Variants in PAPSS2 observed in about 807,000 individuals in gnomAD.
PAPSS2 encodes the protein 3'-phosphoadenosine 5'-phosphosulfate synthase 2.
A neutral mutation model predicts 66.5 loss-of-function variants in PAPSS2; 61 were observed. The observed-to-expected ratio is 0.92, with a 90% confidence interval of 0.75 to 1.14. PAPSS2 has a LOEUF of 1.14. Among genes scored for constraint, PAPSS2 ranks in the 50% most tolerant of loss-of-function variants. The pLI, the probability that PAPSS2 is intolerant of heterozygous loss-of-function variation, is 0.00. For missense variants in PAPSS2, 708 were observed against 789.6 expected, an observed-to-expected ratio of 0.90 and a Z score of 1.24; for synonymous variants, 289 against 287.5, an observed-to-expected ratio of 1.01 and a Z score of -0.05.
At chr10:87,739,464 C>T (rs1853840850) in intron 9 of PAPSS2, among the ~76,000 whole-genome samples, 1 of 152,086 alleles carries the variant, frequency 6.6e-6, no homozygotes, top group African/African-American at 2.4e-5. Context: ...AAATTGTGCC[C>T]AACAATAATT....
intron 1 of PAPSS2, among the ~76,000 whole-genome samples, chr10:87,676,444 A>G (rs889220820): frequency 6.6e-6 from 1 of 152,128 alleles, no homozygotes; most frequent in African/African-American, 2.4e-5. Context: ...TTTCAGTGTA[A>G]TTCTAGCATT....
At chr10:87,697,797 C>T (rs1478382748) in intron 1 of PAPSS2, among the ~76,000 whole-genome samples, 1 of 152,074 alleles carries the variant, frequency 6.6e-6, no homozygotes, top group African/African-American at 2.4e-5. Context: ...TCCACAGTCT[C>T]TTCTCTTCCA....
chr10:87,745,745 G>T, intron 12 of PAPSS2, 87 bp from the exon 13 acceptor site: 1 of 1,333,518 alleles, frequency 7.5e-7, no homozygotes, highest in Non-Finnish European at 1.1e-6. Context: ...AAAGAACATG[G>T]GTCTCAAAAA....
intron 1 of PAPSS2, among the ~76,000 whole-genome samples, chr10:87,671,419 G>A (rs1157465526): frequency 6.6e-6 from 1 of 152,172 alleles, no homozygotes; most frequent in African/African-American, 2.4e-5. Context: ...AGGCTCTGTG[G>A]CCAGTTTTAG....
At chr10:87,743,158 A>C (rs1368556036) in intron 10 of PAPSS2, among the ~76,000 whole-genome samples, 1 of 151,428 alleles carries the variant, frequency 6.6e-6, no homozygotes, top group Non-Finnish European at 1.5e-5. Context: ...AGGCAGGAGA[A>C]TCGCTTGAAT....
At chr10:87,734,663 GTATA>G (rs66686947) in intron 9 of PAPSS2, among the ~76,000 whole-genome samples, 7,695 of 80,940 alleles carry the variant, frequency 0.095, 362 homozygotes, top group Admixed American at 0.12. Flanking sequence ...GAATGTGTGT[GTATA>G]TATATATATA....
chr10:87,662,253 G>C (rs527658001), intron 1 of PAPSS2, among the ~76,000 whole-genome samples: 2 of 152,256 alleles, frequency 1.3e-5, no homozygotes, highest in East Asian at 3.9e-4. Flanking sequence ...TATACTGGGT[G>C]GGGGAGGCGG....
At chr10:87,709,563 T>C (rs1853440265) in intron 2 of PAPSS2, among the ~76,000 whole-genome samples, 1 of 152,194 alleles carries the variant, frequency 6.6e-6, no homozygotes, top group Non-Finnish European at 1.5e-5. Context: ...TTCTCCTCTT[T>C]GGCAGGAAAG....
chr10:87,705,034 G>T (rs1853365691), intron 1 of PAPSS2, among the ~76,000 whole-genome samples: 1 of 152,218 alleles, frequency 6.6e-6, no homozygotes, highest in Non-Finnish European at 1.5e-5. Flanking sequence ...CATTCAGTGA[G>T]TTCTAATAAA....
rs769534289 is a variant in PAPSS2, at chr10:87,727,347, T to C, written c.944T>C (p.Leu315Pro). 4 of 1,614,062 alleles carry C rather than the reference T, an allele frequency of 2.5e-6. No homozygotes were observed. The highest frequency in any genetic ancestry group is 2.5e-6 in the Non-Finnish European group (3 of 1,179,992). Residue 315 changes from leucine to proline, a missense_variant, in exon 9 of 13, where the codon CTG becomes CCG. Leu to Pro is a moderately conservative substitution (Grantham distance 98). Coordinates refer to ENST00000456849, the MANE Select transcript of PAPSS2 (RefSeq NM_001015880.2). ...GTCTCTGCAGAGGATAAGACACGGC[T>C]GGAAGGGTGCAGCAAGTTTGTCCTG... ...LPVSAEDKTR[L>P]EGCSKFVLAH...
chr10:87,733,942 C>T (rs1357381228), intron 9 of PAPSS2, among the ~76,000 whole-genome samples: 2 of 152,034 alleles, frequency 1.3e-5, no homozygotes, highest in Non-Finnish European at 2.9e-5. Flanking sequence ...TCTCTTCTCC[C>T]CTTGTCCATT....
At chr10:87,740,098 C>T (rs1009630958) in intron 9 of PAPSS2, among the ~76,000 whole-genome samples, 24 of 152,130 alleles carry the variant, frequency 1.6e-4, no homozygotes, top group African/African-American at 3.4e-4. Context: ...TATGACTATT[C>T]GGCAGATATT....
chr10:87,714,265 G>C, intron 4 of PAPSS2, 83 bp downstream of exon 4: 1 of 1,513,712 alleles, frequency 6.6e-7, no homozygotes, highest in East Asian at 2.3e-5. Flanking sequence ...AATCTTCCTT[G>C]AGTTTCAAAC....
At chr10:87,693,550 T>A (rs1206965634) in intron 1 of PAPSS2, among the ~76,000 whole-genome samples, 1 of 152,226 alleles carries the variant, frequency 6.6e-6, no homozygotes, top group Non-Finnish European at 1.5e-5. Context: ...GAAGAAGCAG[T>A]GGAATAACCT....
chr10:87,710,255 C>G (rs749182990), intron 2 of PAPSS2, among the ~76,000 whole-genome samples: 12 of 152,184 alleles, frequency 7.9e-5, no homozygotes, highest in Non-Finnish European at 1.3e-4. Context: ...TGGCCTCATT[C>G]TTGTACTCTT....
At chr10:87,734,894 A>G (rs966548716) in intron 9 of PAPSS2, among the ~76,000 whole-genome samples, 1 of 149,774 alleles carries the variant, frequency 6.7e-6, no homozygotes, top group Admixed American at 6.6e-5. Flanking sequence ...TCCCTTTCCA[A>G]TTAGTGCATT....
rs1564730779 is a variant in PAPSS2 at position 87,745,817 on chromosome 10, G to A, written c.1722-15G>A. On this transcript the variant is annotated splice_polypyrimidine_tract_variant and intron_variant, in intron 12 of 12. Transcript: ENST00000456849. ...ATTTACCTACACTGAGTTCTTTGTT[G>A]CCACCCTGTAACAGGCACAATGAGT... is the stretch of plus-strand genomic sequence containing the variant. The A allele has an allele frequency of 6.2e-7, 1 of 1,613,666 alleles. No individual in the cohort carries two copies. The highest frequency in any genetic ancestry group is 8.5e-7 in the Non-Finnish European group (1 of 1,179,798).
intron 3 of PAPSS2, among the ~76,000 whole-genome samples, chr10:87,713,778 G>C (rs774511279): frequency 6.4e-4 from 98 of 152,162 alleles, no homozygotes; most frequent in Admixed American, 1.8e-3. Context: ...ATCAGATGTA[G>C]CTTAGAACAC....
chr10:87,714,817 C>T lies in PAPSS2; in HGVS notation c.593C>T (p.Thr198Ile). The T allele has an allele frequency of 6.2e-7, 1 of 1,613,382 alleles. No homozygotes were observed. The highest frequency in any genetic ancestry group is 8.5e-7 in the Non-Finnish European group (1 of 1,179,332). ...CGTGTGCTTAAAACCAATTTGTCCA[C>T]AGTGAGTGACTGTGTCCACCAGGTA... ...PERVLKTNLS[T>I]VSDCVHQVVE... The change falls in exon 5 of 13, where the codon ACA becomes ATA. Residue 198 changes from threonine (T) to isoleucine (I), a missense_variant. Physicochemically the swap from Thr to Ile is moderately conservative, Grantham distance 89. Coordinates refer to ENST00000456849, the MANE Select transcript of PAPSS2 (RefSeq NM_001015880.2).
Sources: gnomAD v4.1 joint callset for allele counts (sites outside exome capture counted in the v4.1 genomes callset) on GRCh38, gnomAD v4.1.1 for gene constraint, MANE v1.5 for transcripts, NCBI Gene and HGNC (gene_info 2026-07-23, HGNC 2026-07-21) for gene names.